Variants in PATJ observed in about 807,000 individuals in gnomAD.
The protein encoded by PATJ is PATJ crumbs cell polarity complex component, also known as inaD-like protein.
In PATJ, 190 loss-of-function variants were observed where a neutral mutation model predicts 224.9. The ratio of observed to expected loss-of-function variants is 0.84; its 90% confidence interval spans 0.75 to 0.95. PATJ has a LOEUF of 0.95. Among genes scored for constraint, PATJ ranks in the 40% least tolerant of loss-of-function variants. The pLI is 0.00. For synonymous variants in PATJ, 769 were observed against 820.3 expected, an observed-to-expected ratio of 0.94 and a Z score of 1.07; for missense variants, 2,121 against 2,270.3, an observed-to-expected ratio of 0.93 and a Z score of 1.34.
In PATJ at chr1:62,144,555, T is replaced by C. The variant is rs116218388; in HGVS notation, c.5272-3729T>C. On this transcript the variant is annotated intron_variant, in intron 41 of 43. Coordinates refer to ENST00000642238, the MANE Select transcript of PATJ (RefSeq NM_001350145.3). ...GGTAACCAAGGAGCTCTTGAGAAAG[T>C]ATCTCTGGTAACTAGTTGAGGTGGA... Among the ~76,000 whole-genome samples, 390 of 152,104 alleles carry C rather than the reference T, an allele frequency of 2.6e-3. 3 individuals are homozygous for C. The highest frequency in any genetic ancestry group is 9.2e-3 in the African/African-American group (383 of 41,484).
intron 35 of PATJ, among the ~76,000 whole-genome samples, chr1:62,115,245 G>A (rs1237576395): frequency 6.6e-6 from 1 of 152,144 alleles, no homozygotes; most frequent in Non-Finnish European, 1.5e-5. Context: ...GGGAGGTGGA[G>A]GTTGCAGTGA....
chr1:62,117,323 A>G, intron 37 of PATJ, 105 bp downstream of exon 37: 1 of 1,510,026 alleles, frequency 6.6e-7, no homozygotes, highest in Non-Finnish European at 8.9e-7. Context: ...AATGTACAGC[A>G]TATTCACAGC....
At position 62,158,028 on chromosome 1, in the gene PATJ, T is replaced by G. The variant is rs1274505377; in HGVS notation, c.5503-2880T>G. ...GTCACTAGTGTTTTATTTTATTATA[T>G]TACCACCACGTTGAGTAAATGCCAT... On this transcript the variant is annotated intron_variant, in intron 43 of 43. Coordinates refer to ENST00000642238, the MANE Select transcript of PATJ (RefSeq NM_001350145.3). Among the ~76,000 whole-genome samples the G allele has an allele frequency of 1.3e-5, 2 of 148,682 alleles. 1 individual carries two copies. Among genetic ancestry groups the G allele is most frequent in the Non-Finnish European group, 3.0e-5 (2 of 67,006 alleles).
chr1:61,886,554 T>G (rs1029258291), intron 22 of PATJ, among the ~76,000 whole-genome samples: 2 of 152,084 alleles, frequency 1.3e-5, no homozygotes, highest in African/African-American at 4.8e-5. Context: ...GCCTGGTGGC[T>G]CATGCCTGTA....
intron 40 of PATJ, among the ~76,000 whole-genome samples, chr1:62,128,636 C>A (rs945201030): frequency 3.9e-5 from 6 of 152,174 alleles, no homozygotes; most frequent in Admixed American, 1.3e-4. Flanking sequence ...TCAAATGTGA[C>A]CCCCTTCTTG....
chr1:61,833,679 C>T lies in PATJ; in HGVS notation c.2006C>T (p.Thr669Ile), dbSNP rs112258254. The change falls in exon 17 of 44, where the codon ACT becomes ATT. Residue 669 changes from threonine (T) to isoleucine (I), a missense_variant. Coordinates refer to ENST00000642238, the MANE Select transcript of PATJ (RefSeq NM_001350145.3). Reference sequence around the variant, plus strand: ...GTTGACCACAATATGGATGTCAATACTGAAGAAGATGATGATGGGGAATTA... The same window carrying T: ...GTTGACCACAATATGGATGTCAATATTGAAGAAGATGATGATGGGGAATTA... ...TEVDHNMDVNTEEDDDGELAL... is the reference protein window; with the variant it reads ...TEVDHNMDVNIEEDDDGELAL... The T allele has an allele frequency of 8.5e-5, 137 of 1,613,072 alleles. 4 individuals are homozygous for T. The African/African-American group carries it at 1.1e-3, about 14-fold the overall frequency.
At chr1:62,054,510 A>G (rs1444315609) in intron 31 of PATJ, among the ~76,000 whole-genome samples, 1 of 152,188 alleles carries the variant, frequency 6.6e-6, no homozygotes, top group African/African-American at 2.4e-5. Flanking sequence ...ATAATTTCAG[A>G]AGGTATTCCA....
intron 7 of PATJ, among the ~76,000 whole-genome samples, chr1:61,781,680 A>G (rs894482176): frequency 4.6e-5 from 7 of 152,186 alleles, no homozygotes; most frequent in Non-Finnish European, 1.0e-4. Flanking sequence ...ACCCTGGGCA[A>G]TTGACTTCTT....
At chr1:61,816,454 A>G (rs1003437486) in intron 14 of PATJ, 2 of 152,152 alleles carry the variant, frequency 1.3e-5, no homozygotes, top group African/African-American at 4.8e-5. Context: ...TAAAATTGGA[A>G]TGATACAGAG....
chr1:61,789,882 C>A lies in PATJ; in HGVS notation c.1069-1466C>A, dbSNP rs559088293. Among the ~76,000 whole-genome samples the A allele has an allele frequency of 2.0e-5, 3 of 152,216 alleles. No homozygotes were observed. In the South Asian group the frequency reaches 6.2e-4, roughly 32 times the overall value. ...CCTCCATTACTCTAGTTCCCTGGAG[C>A]CTTCTACTTTGTAGTGAGAGACAAA... On this transcript the variant is annotated intron_variant, in intron 8 of 43. Coordinates refer to ENST00000642238, the MANE Select transcript of PATJ (RefSeq NM_001350145.3).
At chr1:62,061,093 G>T (rs1034315598) in intron 31 of PATJ, among the ~76,000 whole-genome samples, 1 of 151,990 alleles carries the variant, frequency 6.6e-6, no homozygotes, top group East Asian at 1.9e-4. Context: ...CTCTGTGAGC[G>T]CAGTCCCCAG....
Position 62,086,227 on chromosome 1 carries a change from CATGTGTGTGTGTGTGT to C in PATJ, c.4377+1596_4377+1611del, listed in dbSNP as rs1484761317. Among the ~76,000 whole-genome samples, 1 of 126,270 alleles carries C rather than the reference CATGTGTGTGTGTGTGT, an allele frequency of 7.9e-6. No individual in the cohort carries two copies. Among genetic ancestry groups the C allele is most frequent in the African/African-American group, 3.7e-5 (1 of 26,848 alleles). The allele number at this position is 126,270 out of a possible 152,430, so 82.8% of individuals were successfully genotyped here. On this transcript the variant is annotated intron_variant, in intron 33 of 43. Coordinates refer to ENST00000642238, the MANE Select transcript of PATJ (RefSeq NM_001350145.3). The surrounding 1 kb of genome is among the most constrained non-coding windows in gnomAD (Gnocchi z 4.0). ...TTACTCAAGATGTGATTAATTAATG[CATGTGTGTGTGTGTGT>C]ATGTGTGTGTGTGTGTTTAATACCT...
intron 31 of PATJ, among the ~76,000 whole-genome samples, chr1:62,060,805 G>A (rs1198801757): frequency 6.6e-6 from 1 of 152,112 alleles, no homozygotes; most frequent in Non-Finnish European, 1.5e-5. Context: ...GCCTCCCAGA[G>A]TGTTGGGATT....
At chr1:62,060,889 A>G (rs1427866872) in intron 31 of PATJ, among the ~76,000 whole-genome samples, 1 of 152,126 alleles carries the variant, frequency 6.6e-6, no homozygotes, top group South Asian at 2.1e-4. Flanking sequence ...ACAGGGTTTC[A>G]CCACGTTGGC....
At chr1:62,075,438 A>AT (rs1467515239) in intron 31 of PATJ, among the ~76,000 whole-genome samples, 3 of 152,214 alleles carry the variant, frequency 2.0e-5, no homozygotes, top group African/African-American at 7.2e-5. Context: ...TTTACCTTTA[A>AT]TTTTTACAAC....
chr1:62,090,005 G>C (rs954588066), intron 33 of PATJ, among the ~76,000 whole-genome samples: 1 of 152,142 alleles, frequency 6.6e-6, no homozygotes. Flanking sequence ...TATTTTTGCT[G>C]TCTTTAGAGG....
In PATJ at chr1:61,795,323, C is replaced by T. The variant is rs573309290; in HGVS notation, c.1169-144C>T. 126 of 473,996 alleles carry T rather than the reference C, an allele frequency of 2.7e-4. 2 individuals carry two copies. The South Asian group carries it at 3.5e-3, about 13-fold the overall frequency. The allele number at this position is 473,996 out of a possible 1,614,324, so 29.4% of individuals were successfully genotyped here. On this transcript the variant is annotated intron_variant, in intron 9 of 43. Coordinates refer to ENST00000642238, the MANE Select transcript of PATJ (RefSeq NM_001350145.3). ...GAGATGGTGGCAGTTTGAAATAATC[C>T]ATCAATTTCTCTGCTTGTGTTCAAA... is the stretch of plus-strand genomic sequence containing the variant.
At chr1:62,061,842 G>A (rs935555216) in intron 31 of PATJ, among the ~76,000 whole-genome samples, 7 of 152,110 alleles carry the variant, frequency 4.6e-5, no homozygotes, top group Admixed American at 2.0e-4. Context: ...TGTATTTTTA[G>A]TAAAGATGGG....
At chr1:62,092,470 A>ATT (rs776199993) in intron 33 of PATJ, among the ~76,000 whole-genome samples, 50 of 143,966 alleles carry the variant, frequency 3.5e-4, no homozygotes, top group African/African-American at 1.2e-3. Flanking sequence ...CAGAGTTGGA[A>ATT]TTTTTTTTTT....
Sources: gnomAD v4.1 joint callset for allele counts (sites outside exome capture counted in the v4.1 genomes callset) on GRCh38, gnomAD v4.1.1 for gene constraint, Gnocchi (gnomAD v3.1) non-coding constraint, MANE v1.5 for transcripts, NCBI Gene and HGNC (gene_info 2026-07-23, HGNC 2026-07-21) for gene names.